Variants in C7 observed in about 807,000 individuals in gnomAD.
C7 encodes complement component C7.
In C7, 83 loss-of-function variants were observed where a neutral mutation model predicts 104.8. The ratio of observed to expected loss-of-function variants is 0.79; its 90% CI spans 0.66 to 0.95. The LOEUF is 0.95. C7 is among the 40% of genes least tolerant of loss of function. The pLI is 0.00. For synonymous variants in C7, 415 were observed against 360.6 expected (o/e 1.15, Z -1.71); for missense variants, 1,070 against 1,011.2 (o/e 1.06, Z -0.79).
intron 3 of C7, among the ~76,000 whole-genome samples, chr5:40,932,773 G>A (rs1457273926): frequency 4.6e-5 from 7 of 151,932 alleles, no homozygotes; most frequent in African/African-American, 1.4e-4. Context: ...GAGAGATAGA[G>A]GGTGTTTTTT....
At chr5:40,943,966 T>G (rs1739996102) in intron 6 of C7, among the ~76,000 whole-genome samples, 1 of 152,206 alleles carries the variant, frequency 6.6e-6, no homozygotes, top group Admixed American at 6.5e-5. Flanking sequence ...TGCATGATTG[T>G]GGTTAATAGC....
At chr5:40,973,875 A>T (rs1740752651) in intron 15 of C7, among the ~76,000 whole-genome samples, 1 of 152,210 alleles carries the variant, frequency 6.6e-6, no homozygotes, top group Non-Finnish European at 1.5e-5. Context: ...CCAGTAGAAA[A>T]TTCTATTAAA....
rs1739447231 is a variant in C7 at position 40,921,974 on chromosome 5, G to A, written c.7-6606G>A. On this transcript the variant is annotated intron_variant, in intron 1 of 17. Coordinates refer to ENST00000313164, the MANE Select transcript of C7 (RefSeq NM_000587.4). ...AATGGCTTGAACCTGTGAGGTGGAAGTTGCAGTGAGCTAAGAACATGCCAT... is the reference window on the plus strand; with the variant it reads ...AATGGCTTGAACCTGTGAGGTGGAAATTGCAGTGAGCTAAGAACATGCCAT... Among the ~76,000 whole-genome samples the A allele has an allele frequency of 2.6e-5, 4 of 152,130 alleles. No individual in the cohort carries two copies. In the South Asian group the frequency reaches 8.3e-4, roughly 32 times the overall value.
intron 14 of C7, among the ~76,000 whole-genome samples, chr5:40,971,077 T>A: frequency 6.6e-6 from 1 of 152,208 alleles, no homozygotes; most frequent in South Asian, 2.1e-4. Flanking sequence ...GTAGAATGAT[T>A]TATAACCCTT....
chr5:40,948,671 C>T (rs2111633522), intron 8 of C7, among the ~76,000 whole-genome samples: 1 of 152,230 alleles, frequency 6.6e-6, no homozygotes, highest in Non-Finnish European at 1.5e-5. Context: ...TTAACAACCA[C>T]TCCTCCTCTT....
intron 11 of C7, among the ~76,000 whole-genome samples, 173 bp from the exon 12 acceptor site, chr5:40,959,276 C>A (rs1740371448): frequency 6.6e-6 from 1 of 152,178 alleles, no homozygotes; most frequent in African/African-American, 2.4e-5. Flanking sequence ...ATGGACATTC[C>A]TAGTCTGTAT....
At chr5:40,938,199 CT>C (rs1739856877) in intron 6 of C7, among the ~76,000 whole-genome samples, 1 of 152,134 alleles carries the variant, frequency 6.6e-6, no homozygotes. Flanking sequence ...CTCTATGCCC[CT>C]CTCTGATCAC....
intron 14 of C7, 63 bp downstream of exon 14, chr5:40,964,936 G>T: frequency 3.8e-6 from 6 of 1,566,556 alleles, no homozygotes; most frequent in Non-Finnish European, 5.3e-6. Context: ...AATGAATCAA[G>T]ATAAATAACA....
chr5:40,981,481 A>T lies in C7; in HGVS notation c.2440A>T (p.Thr814Ser), dbSNP rs759209059. Residue 814 changes from threonine (T) to serine (S), a missense_variant, in exon 18 of 18, where the codon ACG (threonine) becomes TCG (serine). Thr to Ser is a moderately conservative substitution (Grantham distance 58). Coordinates refer to ENST00000313164, the MANE Select transcript of C7 (RefSeq NM_000587.4). Reference protein sequence around the residue: ...ICVEVNGKEQTMSECEAGALR... With the variant: ...ICVEVNGKEQSMSECEAGALR... ...TGTGGAAGTGAACGGCAAGGAGCAGACGATGTCTGAGTGTGAGGCGGGCGC... is the reference window on the plus strand; with the variant it reads ...TGTGGAAGTGAACGGCAAGGAGCAGTCGATGTCTGAGTGTGAGGCGGGCGC... 15 of 1,613,718 alleles carry T rather than the reference A, an allele frequency of 9.3e-6. No individual in the cohort carries two copies. The East Asian group carries it at 3.3e-4, about 36-fold the overall frequency.
chr5:40,929,860 T>G, intron 2 of C7, among the ~76,000 whole-genome samples: 1 of 152,210 alleles, frequency 6.6e-6, no homozygotes, highest in East Asian at 1.9e-4. Context: ...AATAAATTCC[T>G]GTCCATTCAG....
rs560028272 is a variant in C7 at position 40,910,583 on chromosome 5, T to C, written c.6+967T>C. 1.7e-3 allele frequency among the ~76,000 whole-genome samples: 257 copies of C among 152,084 alleles called. 1 individual carries two copies. The Middle Eastern group carries it at 0.017, about 10-fold the overall frequency. On this transcript the variant is annotated intron_variant, in intron 1 of 17. Coordinates refer to ENST00000313164, the MANE Select transcript of C7 (RefSeq NM_000587.4). ...ATTTGTTTAAAGTTATGATGGGCAG[T>C]CATAAAAAAGAATGAAATCATGTCC...
At chr5:40,944,555 C>G (rs1372341762) in intron 6 of C7, among the ~76,000 whole-genome samples, 2 of 152,122 alleles carry the variant, frequency 1.3e-5, no homozygotes, top group Non-Finnish European at 2.9e-5. Flanking sequence ...GACACTTGAT[C>G]TAAAGCAAAA....
At chr5:40,970,592 AT>A (rs1027649161) in intron 14 of C7, among the ~76,000 whole-genome samples, 130 of 149,924 alleles carry the variant, frequency 8.7e-4, no homozygotes, top group Admixed American at 7.3e-4. Context: ...GGAGTTTTTA[AT>A]TTTTTTTTTA....
At chr5:40,927,674 T>C (rs1120308) in intron 1 of C7, among the ~76,000 whole-genome samples, 34,492 of 151,902 alleles carry the variant, frequency 0.23, 4,102 homozygotes, top group East Asian at 0.32. Flanking sequence ...AAATGGCCAA[T>C]AGATACGTAA....
At chr5:40,976,026 T>A (rs758012025) in intron 15 of C7, among the ~76,000 whole-genome samples, 21 of 152,222 alleles carry the variant, frequency 1.4e-4, no homozygotes, top group Non-Finnish European at 1.3e-4. Flanking sequence ...CATTATGCTC[T>A]TGTAAGTTGG....
intron 3 of C7, 79 bp downstream of exon 3, chr5:40,931,218 A>G (rs1739676909): frequency 1.5e-5 from 15 of 996,368 alleles, no homozygotes; most frequent in Non-Finnish European, 2.2e-5. Flanking sequence ...TTAACTTTTG[A>G]ATGTTCATTA....
At chr5:40,973,496 C>T (rs182674631) in intron 15 of C7, among the ~76,000 whole-genome samples, 42 of 152,228 alleles carry the variant, frequency 2.8e-4, no homozygotes, top group Admixed American at 2.2e-3. Context: ...GTTCTCCATG[C>T]GACAGGGTAT....
chr5:40,961,941 G>T, intron 12 of C7, 144 bp from the exon 13 acceptor site: 1 of 409,782 alleles, frequency 2.4e-6, no homozygotes, highest in Non-Finnish European at 4.3e-6. Flanking sequence ...GCAGATATTT[G>T]GTTCTAAGAA....
Position 40,984,192 on chromosome 5 carries a change from G to A in C7, c.*2619G>A, listed in dbSNP as rs1741013057. Among the ~76,000 whole-genome samples, 1 of 152,192 alleles carries A rather than the reference G, an allele frequency of 6.6e-6. No homozygotes were observed. The highest frequency in any genetic ancestry group is 1.5e-5 in the Non-Finnish European group (1 of 68,032). ...GCTTCTCTAAGCCCTGAGATTTAATGAGCCCCATTCAAACTGTTATTAATG... is the reference window on the plus strand; with the variant it reads ...GCTTCTCTAAGCCCTGAGATTTAATAAGCCCCATTCAAACTGTTATTAATG... On this transcript the variant is annotated 3_prime_UTR_variant, in exon 18 of 18. Coordinates refer to ENST00000313164, the MANE Select transcript of C7 (RefSeq NM_000587.4).
Sources: gnomAD v4.1 joint callset for allele counts (sites outside exome capture counted in the v4.1 genomes callset) on GRCh38, gnomAD v4.1.1 for gene constraint, MANE v1.5 for transcripts, NCBI Gene and HGNC (gene_info 2026-07-23, HGNC 2026-07-21) for gene names.